ADNP: variants seen among roughly 807,000 people sequenced by gnomAD.
ADNP encodes the protein activity-dependent neuroprotector homeobox protein.
A neutral mutation model predicts 84.9 loss-of-function variants in ADNP; 4 were observed. The observed-to-expected ratio is 0.05, with a 90% CI of 0.02 to 0.11. The LOEUF (loss-of-function observed/expected upper bound fraction) is 0.11. ADNP is among the 10% of genes least tolerant of loss of function. The pLI is 1.00. For missense variants in ADNP, 1,132 were observed against 1,326.0 expected (o/e 0.85, Z 2.27); for synonymous variants, 554 against 468.1 (o/e 1.18, Z -2.37).
rs146104573 is a variant in ADNP at position 50,894,285 on chromosome 20, G to T, written c.429C>A (p.Phe143Leu). The part of the protein sequence containing the change: ...ASAPSSSLST[F>L]KDKNKNDGLK... Reference sequence around the variant, plus strand: ...GGCCATCATTTTTGTTTTTATCTTTGAAAGTGCTGAGGCTGCTACTTGGTG... The same window carrying T: ...GGCCATCATTTTTGTTTTTATCTTTTAAAGTGCTGAGGCTGCTACTTGGTG... Residue 143 changes from phenylalanine to leucine, a missense_variant, in exon 6 of 6, where the codon TTC becomes TTA. Coordinates refer to ENST00000621696, the MANE Select transcript of ADNP (RefSeq NM_001282531.3). The T allele has an allele frequency of 7.4e-6, 12 of 1,613,714 alleles. No homozygotes were observed. Among genetic ancestry groups the T allele is most frequent in the Non-Finnish European group, 1.0e-5 (12 of 1,179,874 alleles).
intron 2 of ADNP, among the ~76,000 whole-genome samples, chr20:50,906,171 C>T (rs1982455076): frequency 6.6e-6 from 1 of 152,190 alleles, no homozygotes; most frequent in African/African-American, 2.4e-5. Flanking sequence ...AAGATCGCAC[C>T]ACTGCACTCC....
At chr20:50,905,249 A>T (rs1469420397) in intron 2 of ADNP, 2 of 152,224 alleles carry the variant, frequency 1.3e-5, no homozygotes, top group Non-Finnish European at 2.9e-5. Context: ...ATATGGTAAA[A>T]ATTTATCAAT....
In ADNP at chr20:50,891,299, C is replaced by A. The variant is rs1980674302; in HGVS notation, c.*106G>T. 6.9e-7 allele frequency: 1 copy of A among 1,440,378 alleles called. No individual in the cohort carries two copies. The highest frequency in any genetic ancestry group is 9.1e-7 in the Non-Finnish European group (1 of 1,103,186). 89.2% of individuals were successfully genotyped at this position (1,440,378 alleles called of 1,614,324 possible). On this transcript the variant is annotated 3_prime_UTR_variant, in exon 6 of 6. Coordinates refer to ENST00000621696, the MANE Select transcript of ADNP (RefSeq NM_001282531.3). The stretch of plus-strand genomic sequence containing the variant: ...TGCAGCGGCCACATGCCCCACAGTC[C>A]AACCAGTACTCACAAGGCAGTACCA...
At chr20:50,920,390 G>A (rs1171217911) in intron 2 of ADNP, among the ~76,000 whole-genome samples, 3 of 151,548 alleles carry the variant, frequency 2.0e-5, no homozygotes, top group Non-Finnish European at 4.4e-5. Flanking sequence ...AGACAAGCCT[G>A]ACCAACATGG....
rs369537762 is a variant in ADNP, at chr20:50,893,129, C to A, written c.1585G>T (p.Ala529Ser). 5 of 1,614,102 alleles carry A rather than the reference C, an allele frequency of 3.1e-6. No homozygotes were observed. The African/African-American group carries it at 6.7e-5, about 22-fold the overall frequency. ...TCAATGTGAACCATCCGCATGTGTGCGGCCATCTTTTCCACATCATTGAAA... is the reference window on the plus strand; with the variant it reads ...TCAATGTGAACCATCCGCATGTGTGAGGCCATCTTTTCCACATCATTGAAA... ...STFNDVEKMA[A>S]HMRMVHIDEE... Residue 529 changes from alanine to serine, a missense_variant, in exon 6 of 6, where the codon GCA becomes TCA. This residue lies in a region of ADNP where 87 missense variants were observed against 181.4 expected (regional missense o/e 0.48). Transcript: ENST00000621696. This position sits in a 1 kb window ranked among gnomAD's most constrained non-coding sequence, Gnocchi z 4.4.
At position 50,890,984 on chromosome 20, in the gene ADNP, A is replaced by G; in HGVS notation, c.*421T>C. ...AACTATTCAGAATGAATACATGAAA[A>G]AAAATCGCTTTTCCCAAAGTCTACT... On this transcript the variant is annotated 3_prime_UTR_variant, in exon 6 of 6. Transcript: ENST00000621696. The G allele has an allele frequency of 1.0e-6, 1 of 995,184 alleles. No homozygotes were observed. The highest frequency in any genetic ancestry group is 1.2e-6 in the Non-Finnish European group (1 of 836,956). The allele number at this position is 995,184 out of a possible 1,614,324, so 61.6% of individuals were successfully genotyped here.
chr20:50,898,042 C>T (rs996038515), intron 5 of ADNP, among the ~76,000 whole-genome samples: 2 of 152,188 alleles, frequency 1.3e-5, no homozygotes, highest in Non-Finnish European at 2.9e-5. Flanking sequence ...GCAAGACTGT[C>T]ATCCAGTCCT....
At chr20:50,919,744 G>C (rs1373525242) in intron 2 of ADNP, among the ~76,000 whole-genome samples, 1 of 152,156 alleles carries the variant, frequency 6.6e-6, no homozygotes, top group Non-Finnish European at 1.5e-5. Flanking sequence ...GACTTCTGGC[G>C]CAGTTCCAGA....
Position 50,891,543 on chromosome 20 carries a change from T to C in ADNP, c.3171A>G (p.Leu1057=), listed in dbSNP as rs1600926101. The C allele has an allele frequency of 2.5e-6, 4 of 1,612,114 alleles. No homozygotes were observed. The highest frequency in any genetic ancestry group is 3.4e-6 in the Non-Finnish European group (4 of 1,180,030). Residue 1057 remains leucine, a synonymous_variant, in exon 6 of 6, where the codon TTA becomes TTG. Transcript: ENST00000621696. ...WKNASENDER[L]SNPQIEWQNS... Reference sequence around the variant, plus strand: ...TCTGCCACTCAATCTGGGGGTTAGATAAGCGCTCATCATTCTCAGATGCAT... The same window carrying C: ...TCTGCCACTCAATCTGGGGGTTAGACAAGCGCTCATCATTCTCAGATGCAT...
intron 2 of ADNP, chr20:50,905,363 T>C (rs1162474626): frequency 6.6e-6 from 1 of 152,196 alleles, no homozygotes; most frequent in African/African-American, 2.4e-5. Flanking sequence ...ATTTAATATA[T>C]GCAAATCCAG....
rs200368007 is a variant in ADNP at position 50,910,201 on chromosome 20, ACT to A, written c.-89-5354_-89-5353del. ...GAAAGTTACTCTAAAAAATGCTTTG[ACT>A]CTGATTTCATGAAGTAAAAAAACAA... On this transcript the variant is annotated intron_variant, in intron 2 of 5. Transcript: ENST00000621696. Among the ~76,000 whole-genome samples, 1,299 of 152,296 alleles carry A rather than the reference ACT, an allele frequency of 8.5e-3. 20 individuals carry two copies. The highest frequency in any genetic ancestry group is 0.029 in the African/African-American group (1,222 of 41,552).
chr20:50,895,863 T>C lies in ADNP; in HGVS notation c.202-1351A>G, dbSNP rs563513475. Among the ~76,000 whole-genome samples, 10 of 152,320 alleles carry C rather than the reference T, an allele frequency of 6.6e-5. No homozygotes were observed. The South Asian group carries it at 1.7e-3, about 25-fold the overall frequency. On this transcript the variant is annotated intron_variant, in intron 5 of 5. Transcript: ENST00000621696. ...TTTTTTCTTCAATAATAACCTCAGCTTGCTGTGGTTTATACACTTTTAAAT... is the reference window on the plus strand; with the variant it reads ...TTTTTTCTTCAATAATAACCTCAGCCTGCTGTGGTTTATACACTTTTAAAT...
At chr20:50,922,575 T>C (rs1179662381) in intron 2 of ADNP, among the ~76,000 whole-genome samples, 3 of 133,670 alleles carry the variant, frequency 2.2e-5, no homozygotes, top group Non-Finnish European at 4.6e-5. Flanking sequence ...CCAGTCCTCC[T>C]GCGTTTTTTT....
Position 50,889,910 on chromosome 20 carries a change from C to T in ADNP, c.*1495G>A, listed in dbSNP as rs972001143. ...TGGCAAATAGAGGCAGAGCCGCCTG[C>T]ACTACAGTTGTTCCCATCGTAAGGT... On this transcript the variant is annotated 3_prime_UTR_variant, in exon 6 of 6. Coordinates refer to ENST00000621696, the MANE Select transcript of ADNP (RefSeq NM_001282531.3). The T allele has an allele frequency of 2.3e-5, 9 of 398,336 alleles. No individual in the cohort carries two copies. The highest frequency in any genetic ancestry group is 1.3e-4 in the South Asian group (1 of 7,860). 24.7% of individuals were successfully genotyped at this position (398,336 alleles called of 1,614,324 possible).
rs76458950 is a variant in ADNP, at chr20:50,891,932, C to G, written c.2782G>C (p.Asp928His). The G allele has an allele frequency of 1.6e-4, 264 of 1,614,176 alleles. 3 individuals are homozygous for G. The East Asian group carries it at 3.8e-3, about 23-fold the overall frequency. The stretch of plus-strand genomic sequence containing the variant: ...TATTTTGAACCATCCTCTTTTTGGT[C>G]TAGCTTCTCCTCAGATTCTGAAGCA... Reference protein sequence around the residue: ...EDASESEEKLDQKEDGSKYET... With the variant: ...EDASESEEKLHQKEDGSKYET... The change falls in exon 6 of 6, where the codon GAC (aspartate) becomes CAC (histidine). Residue 928 changes from aspartate to histidine, a missense_variant. Around this residue, in one of 10 missense-constraint regions of ADNP, gnomAD observed 381 missense variants for 319.9 expected, o/e 1.19. Transcript: ENST00000621696.
At chr20:50,920,262 C>CAAAAAAAAAAAAA (rs56181933) in intron 2 of ADNP, among the ~76,000 whole-genome samples, 5 of 64,548 alleles carry the variant, frequency 7.7e-5, no homozygotes, top group Non-Finnish European at 1.1e-4. Flanking sequence ...ATTCCACCTC[C>CAAAAAAAAAAAAA]AAAAAAAAAA....
intron 2 of ADNP, among the ~76,000 whole-genome samples, chr20:50,927,538 GTC>G (rs1309818491): frequency 6.7e-6 from 1 of 150,148 alleles, no homozygotes; most frequent in African/African-American, 2.5e-5. Flanking sequence ...ATAAATTCCA[GTC>G]TTCAAGCCCA....
At chr20:50,913,035 G>A (rs1983186816) in intron 2 of ADNP, among the ~76,000 whole-genome samples, 1 of 151,826 alleles carries the variant, frequency 6.6e-6, no homozygotes, top group African/African-American at 2.4e-5. Context: ...GTGATCACTT[G>A]AGGCCAGGAA....
chr20:50,913,250 C>CAAAAAAAAAAAAAAAAAAAAAAAAA (rs56911332), intron 2 of ADNP, among the ~76,000 whole-genome samples: 5 of 42,902 alleles, frequency 1.2e-4, no homozygotes, highest in African/African-American at 3.2e-4. Context: ...GACTCTGTCT[C>CAAAAAAAAAAAAAAAAAAAAAAAAA]AAAAAAAAAA....
Sources: allele counts gnomAD v4.1 joint callset (sites outside exome capture counted in the v4.1 genomes callset), GRCh38; gene constraint gnomAD v4.1.1; regional missense constraint gnomAD v4.1.1; non-coding constraint Gnocchi (gnomAD v3.1); transcripts MANE v1.5; gene names NCBI Gene and HGNC (gene_info 2026-07-23, HGNC 2026-07-21).